The following UTRN variants were observed in gnomAD, a reference collection of about 807,000 sequenced individuals.
UTRN encodes the protein utrophin.
Under a neutral mutation model 463.9 loss-of-function variants are expected in UTRN, and 283 were observed. The ratio of observed to expected loss-of-function variants is 0.61; its 90% confidence interval spans 0.55 to 0.67. The LOEUF (loss-of-function observed/expected upper bound fraction) is 0.67, where lower values mean the gene tolerates loss of function less well. Among genes scored for constraint, UTRN ranks in the 30% least tolerant of loss-of-function variants. UTRN has a pLI of 0.00. For synonymous variants in UTRN, 1,442 were observed against 1,431.5 expected (o/e 1.01, Z -0.17); for missense variants, 3,922 against 4,084.3 (o/e 0.96, Z 1.08).
At chr6:144,751,112 A>G (rs1285545204) in intron 55 of UTRN, among the ~76,000 whole-genome samples, 1 of 152,178 alleles carries the variant, frequency 6.6e-6, no homozygotes, top group Non-Finnish European at 1.5e-5. Flanking sequence ...CCACTTTCTA[A>G]TTTAATTTTA....
intron 11 of UTRN, among the ~76,000 whole-genome samples, chr6:144,438,154 T>C (rs978714017): frequency 3.3e-5 from 5 of 152,250 alleles, no homozygotes; most frequent in African/African-American, 1.2e-4. Flanking sequence ...TAATCCTAGC[T>C]ACTTGGGAGG....
In UTRN at chr6:144,537,606, G is replaced by A; in HGVS notation, c.6258G>A (p.Val2086=). Residue 2086 remains valine (V), a synonymous_variant, in exon 44 of 75, where the codon GTG becomes GTA. Transcript: ENST00000367545. ...QPRLKGESKQ[V]MKYRHQLDEI... ...GGCTAAAAGGAGAAAGTAAGCAGGTGATGAAGTACAGGCATCAGCTAGATG... is the reference window on the plus strand; with the variant it reads ...GGCTAAAAGGAGAAAGTAAGCAGGTAATGAAGTACAGGCATCAGCTAGATG... 1 of 1,600,184 alleles carries A rather than the reference G, an allele frequency of 6.2e-7. No individual in the cohort carries two copies. Among genetic ancestry groups the A allele is most frequent in the Non-Finnish European group, 8.5e-7 (1 of 1,174,410 alleles).
intron 51 of UTRN, among the ~76,000 whole-genome samples, chr6:144,638,806 T>G (rs957655547): frequency 6.6e-5 from 10 of 152,166 alleles, no homozygotes; most frequent in Non-Finnish European, 1.2e-4. Flanking sequence ...CTTATAATCC[T>G]TTTAGAAGGC....
At chr6:144,327,681 T>G (rs1313023749) in intron 2 of UTRN, among the ~76,000 whole-genome samples, 1 of 152,136 alleles carries the variant, frequency 6.6e-6, no homozygotes, top group Admixed American at 6.6e-5. Flanking sequence ...TGGTGGCTCA[T>G]GCCTGTAATC....
At chr6:144,514,104 G>C in intron 36 of UTRN, 67 bp downstream of exon 36, 1 of 1,595,276 alleles carries the variant, frequency 6.3e-7, no homozygotes, top group Non-Finnish European at 8.6e-7. Flanking sequence ...TTTCTCTTCT[G>C]GAATGCTCTA....
chr6:144,530,454 T>A lies in UTRN; in HGVS notation c.5907-598T>A, dbSNP rs1197654459. Among the ~76,000 whole-genome samples the A allele has an allele frequency of 2.6e-5, 4 of 152,192 alleles. No homozygotes were observed. In the East Asian group the frequency reaches 7.7e-4, roughly 29 times the overall value. ...AGGGCTTCAACATAAGAATTTTGAT[T>A]GGACATAATTCAGTATATAACATAT... is the stretch of plus-strand genomic sequence containing the variant. On this transcript the variant is annotated intron_variant, in intron 41 of 74. Transcript: ENST00000367545.
chr6:144,638,923 A>T (rs919169032), intron 51 of UTRN, among the ~76,000 whole-genome samples: 1 of 151,990 alleles, frequency 6.6e-6, no homozygotes, highest in Non-Finnish European at 1.5e-5. Flanking sequence ...AATTTTTTAA[A>T]AAAAGTTAGT....
intron 34 of UTRN, among the ~76,000 whole-genome samples, chr6:144,501,848 C>T (rs1794211954): frequency 1.3e-5 from 2 of 152,132 alleles, no homozygotes; most frequent in South Asian, 4.1e-4. Flanking sequence ...AGTGCACCTA[C>T]CACATGCGAA....
chr6:144,335,467 T>G (rs948616425), intron 2 of UTRN, among the ~76,000 whole-genome samples: 1 of 152,252 alleles, frequency 6.6e-6, no homozygotes, highest in African/African-American at 2.4e-5. Flanking sequence ...AGCCTCTGAC[T>G]TCTCCTTTCC....
rs1471212749 is a variant in UTRN, at chr6:144,437,701, C to T, written c.1196C>T (p.Ala399Val). The T allele has an allele frequency of 1.4e-5, 23 of 1,613,918 alleles. No homozygotes were observed. Among genetic ancestry groups the T allele is most frequent in the African/African-American group, 2.7e-5 (2 of 74,898 alleles). The change falls in exon 11 of 75, where the codon GCT becomes GTT. Residue 399 changes from alanine to valine, a missense_variant. Physicochemically the swap from Ala to Val is moderately conservative, Grantham distance 64. Around this residue, in one of 3 missense-constraint regions of UTRN, gnomAD observed 2,349 missense variants for 2,303.8 expected, o/e 1.02. Coordinates refer to ENST00000367545, the MANE Select transcript of UTRN (RefSeq NM_007124.3). ...EIQEQMTLLN[A>V]RWEALRVESM... ...CAGGAACAGATGACCCTGCTGAATG[C>T]TAGATGGGAGGCTCTTAGGGTGGAG...
intron 41 of UTRN, 72 bp from the exon 42 acceptor site, chr6:144,530,980 T>G: frequency 5.4e-6 from 8 of 1,485,080 alleles, no homozygotes; most frequent in Non-Finnish European, 7.2e-6. Context: ...TTGATTTTCT[T>G]TTTTAGAAAA....
At chr6:144,306,005 A>G (rs1322188423) in intron 2 of UTRN, among the ~76,000 whole-genome samples, 1 of 152,176 alleles carries the variant, frequency 6.6e-6, no homozygotes, top group African/African-American at 2.4e-5. Context: ...AAAAGCTTCC[A>G]ATTTCTAGGA....
At chr6:144,438,506 T>C (rs967237368) in intron 11 of UTRN, among the ~76,000 whole-genome samples, 2 of 152,218 alleles carry the variant, frequency 1.3e-5, no homozygotes, top group Non-Finnish European at 2.9e-5. Flanking sequence ...GAAGAAACAA[T>C]GATTCTGATA....
rs373160210 is a variant in UTRN at position 144,674,187 on chromosome 6, G to T, written c.7480-4219G>T. On this transcript the variant is annotated intron_variant, in intron 51 of 74. Coordinates refer to ENST00000367545, the MANE Select transcript of UTRN (RefSeq NM_007124.3). ...TCAGCTTCTTGTATTTGGATGTCTA[G>T]ATTTTTAGCAAAACCATGGAAGTTT... Among the ~76,000 whole-genome samples, 48 of 150,748 alleles carry T rather than the reference G, an allele frequency of 3.2e-4. No homozygotes were observed. In the Middle Eastern group the frequency reaches 0.01, roughly 32 times the overall value.
chr6:144,615,427 TCTC>T (rs1805978094), intron 51 of UTRN, among the ~76,000 whole-genome samples: 1 of 152,170 alleles, frequency 6.6e-6, no homozygotes, highest in Non-Finnish European at 1.5e-5. Context: ...AGGCATTACT[TCTC>T]CTGGGAAGCC....
chr6:144,531,610 A>G (rs1050255239), intron 42 of UTRN, among the ~76,000 whole-genome samples: 2 of 152,140 alleles, frequency 1.3e-5, no homozygotes, highest in Non-Finnish European at 2.9e-5. Flanking sequence ...CATAAAGTAA[A>G]TTATTCTGGA....
At chr6:144,540,351 T>G (rs150498709) in intron 45 of UTRN, among the ~76,000 whole-genome samples, 427 of 152,322 alleles carry the variant, frequency 2.8e-3, no homozygotes, top group Admixed American at 7.3e-3. Flanking sequence ...TGTCCTTGGT[T>G]TGGATGGACT....
chr6:144,433,331 C>T (rs1344194727), intron 9 of UTRN, among the ~76,000 whole-genome samples: 1 of 150,966 alleles, frequency 6.6e-6, no homozygotes, highest in Non-Finnish European at 1.5e-5. Context: ...CCCCCACCTC[C>T]CTCCCGGACG....
chr6:144,797,998 G>C lies in UTRN; in HGVS notation c.9245+8G>C. 1 of 1,613,960 alleles carries C rather than the reference G, an allele frequency of 6.2e-7. No individual in the cohort carries two copies. Among genetic ancestry groups the C allele is most frequent in the Non-Finnish European group, 8.5e-7 (1 of 1,179,946 alleles). On this transcript the variant is annotated splice_region_variant and intron_variant, in intron 64 of 74. Transcript: ENST00000367545. The stretch of plus-strand genomic sequence containing the variant: ...TCCAATTGTCGGGTTCAGGTAAGGC[G>C]TGCCAGTGCTGGAGGAGGCTATTTT...
Sources: gnomAD v4.1 joint callset for allele counts (sites outside exome capture counted in the v4.1 genomes callset) on GRCh38, gnomAD v4.1.1 for gene constraint, gnomAD v4.1.1 regional missense constraint, MANE v1.5 for transcripts, NCBI Gene and HGNC (gene_info 2026-07-23, HGNC 2026-07-21) for gene names.